The following STK32B variants were observed in gnomAD, a reference collection of about 807,000 sequenced individuals.
STK32B encodes serine/threonine-protein kinase 32B.
In STK32B, 43 loss-of-function variants were observed where a neutral mutation model predicts 52.6. That is an observed-to-expected ratio of 0.82 (90% CI 0.64 to 1.05). The LOEUF (loss-of-function observed/expected upper bound fraction) is 1.05. STK32B is among the 50% of genes least tolerant of loss of function. The pLI is 0.00. For missense variants in STK32B, 621 were observed against 534.6 expected, an observed-to-expected ratio of 1.16 and a Z score of -1.59; for synonymous variants, 238 against 204.3, an observed-to-expected ratio of 1.17 and a Z score of -1.41.
intron 3 of STK32B, among the ~76,000 whole-genome samples, chr4:5,193,203 A>G (rs1478148373): frequency 6.6e-5 from 10 of 152,036 alleles, no homozygotes; most frequent in African/African-American, 2.4e-4. Context: ...CTGACCCTTA[A>G]GAGCATGTTG....
chr4:5,271,144 G>A (rs1250171051), intron 3 of STK32B, among the ~76,000 whole-genome samples: 1 of 152,122 alleles, frequency 6.6e-6, no homozygotes, highest in African/African-American at 2.4e-5. Context: ...CACCATGTTG[G>A]CCAAGCTGGT....
chr4:5,439,200 C>A (rs910428961), intron 6 of STK32B, among the ~76,000 whole-genome samples: 26 of 149,670 alleles, frequency 1.7e-4, no homozygotes, highest in African/African-American at 6.3e-4. Flanking sequence ...AATGGTTGAA[C>A]TAGTTTACAG....
intron 3 of STK32B, among the ~76,000 whole-genome samples, chr4:5,176,656 C>T (rs1719927672): frequency 6.6e-6 from 1 of 151,972 alleles, no homozygotes; most frequent in Admixed American, 6.6e-5. Flanking sequence ...ATTGGCCAGG[C>T]TGGTCTCAAG....
chr4:5,315,203 A>T (rs554453903), intron 3 of STK32B, among the ~76,000 whole-genome samples: 15 of 152,304 alleles, frequency 9.8e-5, no homozygotes, highest in African/African-American at 3.6e-4. Flanking sequence ...ATACAAATAA[A>T]CACATGAAAA....
intron 1 of STK32B, among the ~76,000 whole-genome samples, chr4:5,078,846 A>G (rs1183666087): frequency 1.3e-5 from 2 of 152,202 alleles, no homozygotes; most frequent in Non-Finnish European, 2.9e-5. Context: ...AGGGGGGGCC[A>G]GCACAGGGAA....
chr4:5,087,575 T>G (rs1712803207), intron 1 of STK32B, among the ~76,000 whole-genome samples: 1 of 145,612 alleles, frequency 6.9e-6, no homozygotes, highest in Non-Finnish European at 1.5e-5. Context: ...GACAAATAAT[T>G]TGATAGATAG....
chr4:5,070,201 C>T (rs1052165596), intron 1 of STK32B, among the ~76,000 whole-genome samples: 3 of 152,284 alleles, frequency 2.0e-5, no homozygotes, highest in Admixed American at 6.5e-5. Flanking sequence ...GCTGAACCCT[C>T]GTGCTACCTG....
intron 6 of STK32B, among the ~76,000 whole-genome samples, chr4:5,441,402 T>C (rs1366306763): frequency 1.3e-5 from 2 of 151,042 alleles, no homozygotes; most frequent in Non-Finnish European, 3.0e-5. Context: ...TAGAGGTGTT[T>C]GTAGTATTCT....
chr4:5,384,208 C>T (rs1282899591), intron 4 of STK32B, among the ~76,000 whole-genome samples: 2 of 152,160 alleles, frequency 1.3e-5, no homozygotes, highest in African/African-American at 4.8e-5. Context: ...GGGTTTTACT[C>T]TACGGAGAAG....
intron 3 of STK32B, among the ~76,000 whole-genome samples, chr4:5,176,355 A>G (rs1230107588): frequency 6.6e-6 from 1 of 151,528 alleles, no homozygotes; most frequent in Non-Finnish European, 1.5e-5. Flanking sequence ...CCGGTACCTC[A>G]GTTCGAAATG....
chr4:5,267,732 C>A (rs1196464409), intron 3 of STK32B, among the ~76,000 whole-genome samples: 1 of 152,034 alleles, frequency 6.6e-6, no homozygotes, highest in African/African-American at 2.4e-5. Flanking sequence ...CCCGAGAGTG[C>A]GGGGGAAGGA....
rs186771801 is a variant in STK32B at position 5,106,542 on chromosome 4, A to G, written c.53-33363A>G. ...GCAGAGGTGTGAAATAGAGGTCTTTATCACACTTAATAAAATAAATAATAG... is the reference window on the plus strand; with the variant it reads ...GCAGAGGTGTGAAATAGAGGTCTTTGTCACACTTAATAAAATAAATAATAG... On this transcript the variant is annotated intron_variant, in intron 1 of 11. Transcript: ENST00000282908. Among the ~76,000 whole-genome samples, 431 of 152,322 alleles carry G rather than the reference A, an allele frequency of 2.8e-3. 1 individual carries two copies. Among genetic ancestry groups the G allele is most frequent in the Middle Eastern group, 0.014 (4 of 294 alleles).
At chr4:5,307,548 C>CTTTT (rs558277345) in intron 3 of STK32B, among the ~76,000 whole-genome samples, 1 of 137,388 alleles carries the variant, frequency 7.3e-6, no homozygotes, top group African/African-American at 2.6e-5. Context: ...TATGCTCTAT[C>CTTTT]TTTTTTTTTT....
At chr4:5,170,409 T>G (rs889716985) in intron 3 of STK32B, among the ~76,000 whole-genome samples, 1 of 152,198 alleles carries the variant, frequency 6.6e-6, no homozygotes, top group East Asian at 1.9e-4. Context: ...GCTGCACCCA[T>G]TAACTCGTCA....
chr4:5,130,141 T>C (rs1715659940), intron 1 of STK32B, among the ~76,000 whole-genome samples: 1 of 149,572 alleles, frequency 6.7e-6, no homozygotes, highest in Non-Finnish European at 1.5e-5. Context: ...CCAAATAGGG[T>C]GGTGAGGGAA....
chr4:5,461,019 G>A (rs1294502867), intron 9 of STK32B, among the ~76,000 whole-genome samples: 2 of 152,150 alleles, frequency 1.3e-5, no homozygotes, highest in African/African-American at 2.4e-5. Flanking sequence ...CAGGACAGAC[G>A]CTGAAAGTTT....
At chr4:5,055,398 G>C (rs1468099077) in intron 1 of STK32B, among the ~76,000 whole-genome samples, 1 of 151,756 alleles carries the variant, frequency 6.6e-6, no homozygotes, top group Non-Finnish European at 1.5e-5. Context: ...CCATGTCACA[G>C]CTCTTGCTTG....
intron 4 of STK32B, among the ~76,000 whole-genome samples, chr4:5,366,618 C>T (rs963000087): frequency 6.6e-6 from 1 of 152,228 alleles, no homozygotes. Context: ...GGCCCAGTCA[C>T]CCGGCCCAGG....
chr4:5,465,402 C>G (rs1335017613), intron 9 of STK32B, among the ~76,000 whole-genome samples: 1 of 152,072 alleles, frequency 6.6e-6, no homozygotes, highest in Non-Finnish European at 1.5e-5. Context: ...CTGTCTTCCT[C>G]CTGCCCCCAG....
Sources: gnomAD v4.1 joint callset for allele counts (sites outside exome capture counted in the v4.1 genomes callset) on GRCh38, gnomAD v4.1.1 for gene constraint, MANE v1.5 for transcripts, NCBI Gene and HGNC (gene_info 2026-07-23, HGNC 2026-07-21) for gene names.